Variants in SLC7A2 observed in about 807,000 individuals in gnomAD.
SLC7A2 encodes the protein cationic amino acid transporter 2.
A neutral mutation model predicts 58.9 loss-of-function variants in SLC7A2; 48 were observed. That is an observed-to-expected ratio of 0.82 (90% confidence interval 0.65 to 1.04). SLC7A2 has a LOEUF of 1.04. Among genes scored for constraint, SLC7A2 ranks in the 50% least tolerant of loss-of-function variants. The pLI, the probability that SLC7A2 is intolerant of heterozygous loss-of-function variation, is 0.00. For missense variants in SLC7A2, 1,029 were observed against 818.8 expected (o/e 1.26, Z -3.13); for synonymous variants, 363 against 314.5 (o/e 1.15, Z -1.63).
chr8:17,505,886 G>A lies in SLC7A2; in HGVS notation c.-23+3584G>A, dbSNP rs564250314. The stretch of plus-strand genomic sequence containing the variant: ...GAAGCATCCTTGCAGGGCCTTATCA[G>A]TTTTTACAATGTAAAATAACTAACC... On this transcript the variant is annotated intron_variant, in intron 2 of 12. Coordinates refer to ENST00000494857, the MANE Select transcript of SLC7A2 (RefSeq NM_001370338.1). Among the ~76,000 whole-genome samples the A allele has an allele frequency of 5.2e-4, 79 of 152,230 alleles. 1 individual carries two copies. The highest frequency in any genetic ancestry group is 1.7e-3 in the African/African-American group (72 of 41,540).
In SLC7A2 at chr8:17,558,299, G is replaced by C. The variant is rs759301153; in HGVS notation, c.1200G>C (p.Leu400Phe). The C allele has an allele frequency of 1.4e-5, 22 of 1,609,750 alleles. No homozygotes were observed. The highest frequency in any genetic ancestry group is 3.3e-5 in the Admixed American group (2 of 59,912). Reference sequence around the variant, plus strand: ...GTTCTTTTCTTCTCCCCCTAGCTTTGATGGCCTTTCTGTTTGACCTGAAGG... The same window carrying C: ...GTTCTTTTCTTCTCCCCCTAGCTTTCATGGCCTTTCTGTTTGACCTGAAGG... ...ATLSSGAVAA[L>F]MAFLFDLKAL... is the part of the protein sequence containing the mutation. Residue 400 changes from leucine (L) to phenylalanine (F), a missense_variant, in exon 9 of 13, where the codon TTG becomes TTC. Coordinates refer to ENST00000494857, the MANE Select transcript of SLC7A2 (RefSeq NM_001370338.1).
chr8:17,497,736 G>A (rs576743113), intron 1 of SLC7A2, among the ~76,000 whole-genome samples: 1 of 152,222 alleles, frequency 6.6e-6, no homozygotes, highest in Non-Finnish European at 1.5e-5. Flanking sequence ...AAGCCGGCTT[G>A]GAGCGCTGGA....
intron 8 of SLC7A2, among the ~76,000 whole-genome samples, 184 bp from the exon 9 acceptor site, chr8:17,558,111 C>T (rs913544312): frequency 1.5e-4 from 23 of 152,128 alleles, no homozygotes; most frequent in African/African-American, 5.1e-4. Context: ...GAAGTCCTAT[C>T]AGCAGTTTAT....
At chr8:17,544,681 T>C (rs1802082444) in intron 4 of SLC7A2, 75 bp downstream of exon 4, 3 of 1,352,074 alleles carry the variant, frequency 2.2e-6, no homozygotes, top group Non-Finnish European at 3.1e-6. Context: ...ACTTCTGAAT[T>C]TGGGGCCTGA....
chr8:17,537,531 A>C (rs17124778), intron 2 of SLC7A2, among the ~76,000 whole-genome samples: 4 of 152,064 alleles, frequency 2.6e-5, no homozygotes, highest in African/African-American at 9.7e-5. Context: ...CCTGAGTCAG[A>C]TGTCTCTCTG....
intron 6 of SLC7A2, among the ~76,000 whole-genome samples, chr8:17,551,242 C>T (rs771608866): frequency 3.9e-5 from 6 of 152,122 alleles, no homozygotes. Flanking sequence ...CCTCTTCTCC[C>T]TCTGGGAATC....
chr8:17,546,369 T>C (rs939965303), intron 4 of SLC7A2, among the ~76,000 whole-genome samples: 2 of 152,208 alleles, frequency 1.3e-5, no homozygotes, highest in Non-Finnish European at 2.9e-5. Context: ...TCTCTGAAGA[T>C]CAAAACCTCC....
intron 8 of SLC7A2, 161 bp downstream of exon 8, chr8:17,554,860 C>T (rs1001640716): frequency 1.5e-5 from 22 of 1,490,098 alleles, no homozygotes; most frequent in East Asian, 9.1e-5. Context: ...TCTGCATTTT[C>T]GTGTGTCCAG....
chr8:17,534,871 G>A lies in SLC7A2; in HGVS notation c.-22-8447G>A, dbSNP rs549410148. On this transcript the variant is annotated intron_variant, in intron 2 of 12. Transcript: ENST00000494857. ...GGCGCTCAATAGTCTACAAATCCGT[G>A]TGTCCCTTCCCACTCATCCTCTTCC... 2.0e-5 allele frequency among the ~76,000 whole-genome samples: 3 copies of A among 152,166 alleles called. No individual in the cohort carries two copies. The South Asian group carries it at 6.2e-4, about 32-fold the overall frequency.
At chr8:17,544,384 GA>G in intron 3 of SLC7A2, 66 bp from the exon 4 acceptor site, 9 of 1,339,466 alleles carry the variant, frequency 6.7e-6, no homozygotes, top group Non-Finnish European at 9.5e-6. Flanking sequence ...TCCTATAATA[GA>G]GTAGCAAATG....
chr8:17,557,346 T>A (rs1019760086), intron 8 of SLC7A2, among the ~76,000 whole-genome samples: 22 of 152,204 alleles, frequency 1.4e-4, no homozygotes, highest in Admixed American at 3.3e-4. Context: ...GAAGTTAAGC[T>A]ATTTAACTGT....
At chr8:17,516,231 TA>T (rs1229788764) in intron 2 of SLC7A2, among the ~76,000 whole-genome samples, 3 of 67,684 alleles carry the variant, frequency 4.4e-5, no homozygotes, top group African/African-American at 4.3e-5. Context: ...ATTAATTAAT[TA>T]ATTTTTTTTT....
intron 6 of SLC7A2, among the ~76,000 whole-genome samples, chr8:17,550,715 G>C (rs1257028202): frequency 6.6e-6 from 1 of 152,162 alleles, no homozygotes; most frequent in Non-Finnish European, 1.5e-5. Flanking sequence ...GCCAGCTGTT[G>C]ATTACTTTAT....
intron 2 of SLC7A2, among the ~76,000 whole-genome samples, chr8:17,505,539 C>G (rs1318457267): frequency 6.6e-6 from 1 of 152,164 alleles, no homozygotes; most frequent in Admixed American, 6.5e-5. Context: ...TCAGTGATCT[C>G]CAGCCTCGCC....
chr8:17,539,853 T>C (rs184731591), intron 2 of SLC7A2, among the ~76,000 whole-genome samples: 2 of 152,322 alleles, frequency 1.3e-5, no homozygotes, highest in South Asian at 4.1e-4. Flanking sequence ...ATTTGTTGTA[T>C]AAGTAGGAGG....
At position 17,554,498 on chromosome 8, in the gene SLC7A2, C is replaced by T. The variant is rs549615055; in HGVS notation, c.1056-62C>T. 88 of 1,343,942 alleles carry T rather than the reference C, an allele frequency of 6.5e-5. 1 individual carries two copies. In the South Asian group the frequency reaches 1.1e-3, roughly 16 times the overall value. The allele number at this position is 1,343,942 out of a possible 1,614,324, so 83.3% of individuals were successfully genotyped here. A position where few individuals can be genotyped will look rare whatever the true frequency, so the allele number is the denominator to read the frequency against. ...GAATATTATACAATTATTTTATTTC[C>T]GTTCGGGGATGTAATCTTGCATGAA... On this transcript the variant is annotated intron_variant, in intron 7 of 12. Transcript: ENST00000494857.
intron 2 of SLC7A2, among the ~76,000 whole-genome samples, chr8:17,509,862 C>T (rs1419783196): frequency 1.3e-5 from 2 of 151,896 alleles, no homozygotes; most frequent in Non-Finnish European, 2.9e-5. Flanking sequence ...TCGGAAGAAG[C>T]CTGTGTGTTT....
intron 1 of SLC7A2, among the ~76,000 whole-genome samples, chr8:17,498,472 T>G (rs1467414620): frequency 6.6e-6 from 1 of 152,242 alleles, no homozygotes; most frequent in Non-Finnish European, 1.5e-5. Context: ...TGCTTTGTAA[T>G]TAGTAAATCC....
Position 17,566,481 on chromosome 8 carries a change from T to G in SLC7A2, c.*1335T>G, listed in dbSNP as rs756150731. 9.2e-5 allele frequency: 14 copies of G among 152,214 alleles called. No homozygotes were observed. Among genetic ancestry groups the G allele is most frequent in the Non-Finnish European group, 1.6e-4 (11 of 68,036 alleles). 9.4% of individuals were successfully genotyped at this position (152,214 alleles called of 1,614,324 possible). A position where few individuals can be genotyped will look rare whatever the true frequency, so the allele number is the denominator to read the frequency against. On this transcript the variant is annotated 3_prime_UTR_variant, in exon 13 of 13. Coordinates refer to ENST00000494857, the MANE Select transcript of SLC7A2 (RefSeq NM_001370338.1). ...TACCCCATAAATTGTGTAGCACTTT[T>G]TATTCCATTTGCTTTCAAATGACTA...
Sources: allele counts gnomAD v4.1 joint callset (sites outside exome capture counted in the v4.1 genomes callset), GRCh38; gene constraint gnomAD v4.1.1; transcripts MANE v1.5; gene names NCBI Gene and HGNC (gene_info 2026-07-23, HGNC 2026-07-21).